The following CLASP1 variants were observed in gnomAD, a reference collection of about 807,000 sequenced individuals.
CLASP1 encodes the protein cytoplasmic linker associated protein 1, also known as CLIP-associating protein 1.
In CLASP1, 38 loss-of-function variants were observed where a neutral mutation model predicts 192.3. The observed-to-expected ratio is 0.20, with a 90% CI of 0.15 to 0.26. The LOEUF is 0.26. CLASP1 is among the 10% of genes least tolerant of loss of function. CLASP1 has a pLI of 1.00. For synonymous variants in CLASP1, 691 were observed against 712.8 expected (o/e 0.97, Z 0.49); for missense variants, 1,433 against 1,932.5 (o/e 0.74, Z 4.85).
At position 121,528,663 on chromosome 2, in the gene CLASP1, T is replaced by A. The variant is rs767541670; in HGVS notation, c.378+14A>T. On this transcript the variant is annotated intron_variant, in intron 4 of 39. Coordinates refer to ENST00000263710, the Ensembl canonical transcript of CLASP1. Reference sequence around the variant, plus strand: ...ACTGGCCAGCTGACCTCAAAACACATCTCTTGCCCCTACCTGGGGATTAGC... The same window carrying A: ...ACTGGCCAGCTGACCTCAAAACACAACTCTTGCCCCTACCTGGGGATTAGC... 1 of 1,612,612 alleles carries A rather than the reference T, an allele frequency of 6.2e-7. No homozygotes were observed. The highest frequency in any genetic ancestry group is 1.1e-5 in the South Asian group (1 of 91,048).
chr2:121,363,162 A>T lies in CLASP1; in HGVS notation c.4206+10T>A, dbSNP rs1243303396. ...TCTGTTCAGCACCCCTGGCCACATG[A>T]CTGACTCACCTCCTTATGGGAGTCT... On this transcript the variant is annotated intron_variant, in intron 37 of 39. Coordinates refer to ENST00000263710, the Ensembl canonical transcript of CLASP1. 6.2e-7 allele frequency: 1 copy of T among 1,613,746 alleles called. No individual in the cohort carries two copies. The highest frequency in any genetic ancestry group is 1.3e-5 in the African/African-American group (1 of 74,896).
At chr2:121,488,744 T>C (rs376592976) in intron 8 of CLASP1, among the ~76,000 whole-genome samples, 3 of 152,228 alleles carry the variant, frequency 2.0e-5, no homozygotes, top group African/African-American at 7.2e-5. Flanking sequence ...GCTGCTGTTA[T>C]ATTTTGCAGA....
intron 30 of CLASP1, among the ~76,000 whole-genome samples, chr2:121,396,635 C>A (rs189850573): frequency 1.3e-5 from 2 of 152,208 alleles, no homozygotes; most frequent in African/African-American, 4.8e-5. Context: ...TAAGTTTCAG[C>A]CCGTACCAGG....
intron 2 of CLASP1, among the ~76,000 whole-genome samples, chr2:121,570,306 C>G (rs1252434186): frequency 6.6e-6 from 1 of 152,190 alleles, no homozygotes; most frequent in Non-Finnish European, 1.5e-5. Context: ...GAAGTATGAC[C>G]AAAATGTGAT....
chr2:121,428,068 G>A (rs1262637215), intron 20 of CLASP1, among the ~76,000 whole-genome samples: 1 of 152,168 alleles, frequency 6.6e-6, no homozygotes, highest in African/African-American at 2.4e-5. Flanking sequence ...TCCTGAGTAC[G>A]ATTTGGTGAG....
chr2:121,363,063 A>G, intron 37 of CLASP1, 109 bp downstream of exon 38: 1 of 1,391,652 alleles, frequency 7.2e-7, no homozygotes, highest in South Asian at 1.4e-5. Flanking sequence ...GCTGAGTTCC[A>G]AGGAAGGGGC....
chr2:121,394,429 C>T (rs577108538), intron 30 of CLASP1, among the ~76,000 whole-genome samples: 23 of 152,310 alleles, frequency 1.5e-4, no homozygotes, highest in African/African-American at 5.5e-4. Flanking sequence ...CAATGTCATC[C>T]ACTGCCTTCT....
At chr2:121,465,766 G>A (rs2089438924) in intron 9 of CLASP1, among the ~76,000 whole-genome samples, 1 of 152,100 alleles carries the variant, frequency 6.6e-6, no homozygotes, top group Non-Finnish European at 1.5e-5. Flanking sequence ...CCTGACTTCA[G>A]ACTATACTAC....
At chr2:121,425,252 A>G in exon 22 of CLASP1, 1 of 1,613,410 alleles carries the variant, frequency 6.2e-7, no homozygotes, top group East Asian at 2.2e-5. Flanking sequence ...GCCCCCAGTA[A>G]GTCCACCATA....
intron 2 of CLASP1, among the ~76,000 whole-genome samples, chr2:121,598,825 A>G (rs940737519): frequency 6.6e-6 from 1 of 152,210 alleles, no homozygotes; most frequent in Non-Finnish European, 1.5e-5. Context: ...ACTTAAATGC[A>G]AAGTTACTCA....
intron 1 of CLASP1, among the ~76,000 whole-genome samples, chr2:121,633,984 C>A (rs1271092849): frequency 1.6e-4 from 24 of 149,014 alleles, no homozygotes; most frequent in African/African-American, 5.7e-4. Flanking sequence ...GGCGACAGAG[C>A]GAGACTCCGT....
intron 1 of CLASP1, among the ~76,000 whole-genome samples, chr2:121,628,949 CT>C (rs539354895): frequency 3.4e-5 from 5 of 148,974 alleles, no homozygotes; most frequent in Admixed American, 6.7e-5. Flanking sequence ...GCTGGTCATC[CT>C]TTTTTTTTAA....
chr2:121,586,283 C>G (rs540383790), intron 2 of CLASP1, among the ~76,000 whole-genome samples: 1 of 152,084 alleles, frequency 6.6e-6, no homozygotes, highest in Non-Finnish European at 1.5e-5. Flanking sequence ...CACGCCACCA[C>G]GCCCAGCTAA....
In CLASP1 at chr2:121,439,423, G is replaced by T. The variant is rs566363424; in HGVS notation, c.1912+7914C>A. Among the ~76,000 whole-genome samples the T allele has an allele frequency of 6.4e-3, 972 of 152,112 alleles. 15 individuals carry two copies. The highest frequency in any genetic ancestry group is 0.023 in the African/African-American group (941 of 41,492). ...TAGTTCTTTTAATTGTGATGTTAGG[G>T]TGTCAATTTTGGATCTTTCCTTTCT... On this transcript the variant is annotated intron_variant, in intron 19 of 39. Coordinates refer to ENST00000263710, the Ensembl canonical transcript of CLASP1.
intron 29 of CLASP1, 137 bp downstream of exon 30, chr2:121,398,185 A>G (rs1367843039): frequency 1.5e-6 from 1 of 668,606 alleles, no homozygotes; most frequent in African/African-American, 1.8e-5. Context: ...AAACAGGAAC[A>G]TGTCCACAAA....
intron 19 of CLASP1, among the ~76,000 whole-genome samples, chr2:121,443,159 G>A (rs1416005581): frequency 1.3e-5 from 2 of 152,102 alleles, no homozygotes; most frequent in East Asian, 1.9e-4. Context: ...CTCTATTGTC[G>A]GAGTCTGAGC....
At chr2:121,522,367 A>T (rs1025583761) in intron 6 of CLASP1, among the ~76,000 whole-genome samples, 14 of 152,162 alleles carry the variant, frequency 9.2e-5, no homozygotes, top group African/African-American at 3.1e-4. Flanking sequence ...ACAGGCCTAG[A>T]ACTCAGCCCA....
intron 6 of CLASP1, among the ~76,000 whole-genome samples, chr2:121,524,854 C>A (rs1044037083): frequency 6.6e-6 from 1 of 152,026 alleles, no homozygotes; most frequent in Admixed American, 6.6e-5. Context: ...AGGGGAGAGG[C>A]TGGGGTGGAA....
At chr2:121,351,264 GCCTC>G (rs2064340472) in intron 37 of CLASP1, among the ~76,000 whole-genome samples, 1 of 152,294 alleles carries the variant, frequency 6.6e-6, no homozygotes, top group South Asian at 2.1e-4. Context: ...CCCTGCCCAG[GCCTC>G]CCTATCAGAC....
Sources: gnomAD v4.1 joint callset for allele counts (sites outside exome capture counted in the v4.1 genomes callset) on GRCh38, gnomAD v4.1.1 for gene constraint, MANE v1.5 for transcripts, NCBI Gene and HGNC (gene_info 2026-07-23, HGNC 2026-07-21) for gene names.